Variants in C7orf78 observed in about 807,000 individuals in gnomAD.
C7orf78 encodes putative uncharacterized protein C7orf78.
chr7:12,540,484 A>G, the C7orf78 span, among the ~76,000 whole-genome samples: 3 of 151,554 alleles, frequency 2.0e-5, no homozygotes, highest in Admixed American at 2.0e-4. Flanking sequence ...CAGACTATGC[A>G]GTGTTTAGTC....
the C7orf78 span, among the ~76,000 whole-genome samples, chr7:12,503,885 G>A: frequency 2.0e-5 from 3 of 152,208 alleles, no homozygotes; most frequent in East Asian, 1.9e-4. Flanking sequence ...TGAGGTGGAA[G>A]GATTGCTTGA....
the C7orf78 span, among the ~76,000 whole-genome samples, chr7:12,484,287 T>C: frequency 1.4e-4 from 21 of 152,216 alleles, no homozygotes; most frequent in Non-Finnish European, 2.5e-4. Flanking sequence ...AAATATGAGA[T>C]GGCTCAATTA....
the C7orf78 span, among the ~76,000 whole-genome samples, chr7:12,516,496 C>T: frequency 2.6e-5 from 4 of 152,242 alleles, no homozygotes; most frequent in African/African-American, 7.2e-5. Context: ...CCCACTGGGG[C>T]ATGGCCTACT....
chr7:12,541,138 A>G, the C7orf78 span: 1 of 152,220 alleles, frequency 6.6e-6, no homozygotes, highest in East Asian at 1.9e-4. Context: ...ATCCAATCAT[A>G]AGGCTTTTGA....
At chr7:12,518,912 G>GGCA in the C7orf78 span, among the ~76,000 whole-genome samples, 1 of 152,194 alleles carries the variant, frequency 6.6e-6, no homozygotes, top group East Asian at 1.9e-4. Flanking sequence ...TTTAATCTCT[G>GGCA]GCAGCAGCAG....
At chr7:12,494,890 C>T in the C7orf78 span, among the ~76,000 whole-genome samples, 1 of 152,170 alleles carries the variant, frequency 6.6e-6, no homozygotes, top group South Asian at 2.1e-4. Flanking sequence ...AGGAATGCAA[C>T]TTCACACAGG....
chr7:12,498,288 G>C, the C7orf78 span, among the ~76,000 whole-genome samples: 1 of 151,968 alleles, frequency 6.6e-6, no homozygotes, highest in African/African-American at 2.4e-5. Context: ...ATTACTCTGA[G>C]CTACGGGTGG....
At chr7:12,514,387 T>G in the C7orf78 span, among the ~76,000 whole-genome samples, 3 of 152,146 alleles carry the variant, frequency 2.0e-5, no homozygotes, top group Non-Finnish European at 4.4e-5. Flanking sequence ...TGCTTTTTTT[T>G]TAATAGAATA....
chr7:12,486,658 T>C, the C7orf78 span, among the ~76,000 whole-genome samples: 1 of 152,046 alleles, frequency 6.6e-6, no homozygotes, highest in South Asian at 2.1e-4. Context: ...TAACATACAA[T>C]AGCATTTTAG....
the C7orf78 span, among the ~76,000 whole-genome samples, chr7:12,489,749 G>T: frequency 6.6e-6 from 1 of 152,126 alleles, no homozygotes; most frequent in African/African-American, 2.4e-5. Flanking sequence ...TGCTATGTAG[G>T]ACATAAAACT....
the C7orf78 span, among the ~76,000 whole-genome samples, chr7:12,490,172 T>A: frequency 7.9e-5 from 12 of 152,280 alleles, 1 homozygote; most frequent in African/African-American, 2.9e-4. Context: ...GAGCACCATA[T>A]CTTATTCTAC....
the C7orf78 span, chr7:12,541,772 A>G: frequency 6.6e-6 from 1 of 152,178 alleles, no homozygotes; most frequent in Non-Finnish European, 1.5e-5. Flanking sequence ...TGTTTATGGC[A>G]TATTGAAATC....
the C7orf78 span, among the ~76,000 whole-genome samples, chr7:12,535,696 T>C: frequency 6.6e-6 from 1 of 152,204 alleles, no homozygotes; most frequent in African/African-American, 2.4e-5. Context: ...TATAAGGCTA[T>C]AAAATCAAAA....
the C7orf78 span, among the ~76,000 whole-genome samples, chr7:12,495,360 C>T: frequency 6.6e-6 from 1 of 152,216 alleles, no homozygotes; most frequent in African/African-American, 2.4e-5. Context: ...TCTTAAAGCA[C>T]CTCACCTTCC....
chr7:12,519,128 A>G, the C7orf78 span, among the ~76,000 whole-genome samples: 2 of 152,034 alleles, frequency 1.3e-5, no homozygotes, highest in African/African-American at 4.8e-5. Context: ...AGAGCACATG[A>G]CCATACTGCA....
At chr7:12,509,391 C>T in the C7orf78 span, among the ~76,000 whole-genome samples, 4 of 152,124 alleles carry the variant, frequency 2.6e-5, no homozygotes, top group African/African-American at 4.8e-5. Context: ...TTGAGAGAAC[C>T]TGTGTATGTA....
At chr7:12,524,995 T>G in the C7orf78 span, among the ~76,000 whole-genome samples, 2 of 152,282 alleles carry the variant, frequency 1.3e-5, no homozygotes, top group African/African-American at 2.4e-5. Flanking sequence ...CAGATGTCAG[T>G]ATTGTTACAA....
At chr7:12,519,629 A>G in the C7orf78 span, among the ~76,000 whole-genome samples, 1 of 152,166 alleles carries the variant, frequency 6.6e-6, no homozygotes, top group Non-Finnish European at 1.5e-5. Context: ...AAGCCCCAGA[A>G]AGAAAGCTCA....
the C7orf78 span, among the ~76,000 whole-genome samples, chr7:12,503,529 T>A: frequency 1.3e-5 from 2 of 151,960 alleles, no homozygotes; most frequent in African/African-American, 4.8e-5. Context: ...CCATAAAAGG[T>A]AATTTTTTAA....
Sources: allele counts gnomAD v4.1 joint callset (sites outside exome capture counted in the v4.1 genomes callset), GRCh38; gene constraint gnomAD v4.1.1; transcripts MANE v1.5; gene names NCBI Gene and HGNC (gene_info 2026-07-23, HGNC 2026-07-21).